The following LRFN2 variants were observed in gnomAD, a reference collection of about 807,000 sequenced individuals.
LRFN2 encodes leucine-rich repeat and fibronectin type-III domain-containing protein 2.
In LRFN2, 18 loss-of-function variants were observed where a neutral mutation model predicts 37.3. The observed-to-expected ratio is 0.48, with a 90% CI of 0.33 to 0.72. The LOEUF (loss-of-function observed/expected upper bound fraction) is 0.72, where lower values mean the gene tolerates loss of function less well. LRFN2 is among the 30% of genes least tolerant of loss of function. LRFN2 has a pLI of 0.02. For synonymous variants in LRFN2, 556 were observed against 466.6 expected, an observed-to-expected ratio of 1.19 and a Z score of -2.47; for missense variants, 1,006 against 1,060.7, an observed-to-expected ratio of 0.95 and a Z score of 0.72.
At chr6:40,501,956 C>T (rs1765393452) in intron 1 of LRFN2, among the ~76,000 whole-genome samples, 2 of 152,182 alleles carry the variant, frequency 1.3e-5, no homozygotes, top group Non-Finnish European at 2.9e-5. Flanking sequence ...GAAGCATGTC[C>T]TGACTCCACA....
At chr6:40,525,285 C>T (rs1454131584) in intron 1 of LRFN2, among the ~76,000 whole-genome samples, 1 of 152,166 alleles carries the variant, frequency 6.6e-6, no homozygotes, top group Non-Finnish European at 1.5e-5. Flanking sequence ...GGCGGCCCTG[C>T]TGCAGGCTGG....
At position 40,392,966 on chromosome 6, in the gene LRFN2, G is replaced by A; in HGVS notation, c.1401-54C>T. 6.7e-7 allele frequency: 1 copy of A among 1,493,712 alleles called. No individual in the cohort carries two copies. The allele number at this position is 1,493,712 out of a possible 1,614,324, so 92.5% of individuals were successfully genotyped here. A position where few individuals can be genotyped will look rare whatever the true frequency, so the allele number is the denominator to read the frequency against. On this transcript the variant is annotated intron_variant, in intron 2 of 2. Coordinates refer to ENST00000338305, the MANE Select transcript of LRFN2 (RefSeq NM_020737.3). The surrounding 1 kb of genome is among the most constrained non-coding windows in gnomAD (Gnocchi z 4.7). ...AGGGGTGGTGGGGTGGAAGGACAGG[G>A]TGATGGGGAGTGGACAGAGGTAGAA...
intron 1 of LRFN2, among the ~76,000 whole-genome samples, chr6:40,574,162 T>A (rs1767234882): frequency 1.3e-5 from 2 of 152,230 alleles, no homozygotes; most frequent in Non-Finnish European, 1.5e-5. Context: ...AGAGAATGCA[T>A]ATAAATATGG....
At chr6:40,518,068 T>A (rs1355483707) in intron 1 of LRFN2, among the ~76,000 whole-genome samples, 1 of 152,108 alleles carries the variant, frequency 6.6e-6, no homozygotes, top group Admixed American at 6.5e-5. Flanking sequence ...TGGATGCTAG[T>A]CCCAGTCTGG....
At chr6:40,449,090 C>T (rs1040370562) in intron 1 of LRFN2, among the ~76,000 whole-genome samples, 1 of 152,162 alleles carries the variant, frequency 6.6e-6, no homozygotes, top group African/African-American at 2.4e-5. Flanking sequence ...TAGTAAGAAT[C>T]CCCAATTGCA....
intron 2 of LRFN2, among the ~76,000 whole-genome samples, chr6:40,411,317 G>A (rs1762960487): frequency 6.6e-6 from 1 of 152,212 alleles, no homozygotes; most frequent in Admixed American, 6.5e-5. Flanking sequence ...GGGCACGGTA[G>A]GAGTAGGGGG....
At chr6:40,434,649 T>C (rs1326292213) in intron 1 of LRFN2, among the ~76,000 whole-genome samples, 2 of 152,004 alleles carry the variant, frequency 1.3e-5, no homozygotes, top group Non-Finnish European at 2.9e-5. Context: ...GCTAACTTTT[T>C]GTATTTTTAG....
At chr6:40,480,703 G>A (rs961354948) in intron 1 of LRFN2, among the ~76,000 whole-genome samples, 1 of 151,944 alleles carries the variant, frequency 6.6e-6, no homozygotes, top group Non-Finnish European at 1.5e-5. Context: ...TATTTCTCTG[G>A]GCCCCACATG....
Position 40,456,428 on chromosome 6 carries a change from C to T in LRFN2, c.-18-23297G>A, listed in dbSNP as rs149924250. 9.6e-3 allele frequency among the ~76,000 whole-genome samples: 1,457 copies of T among 152,276 alleles called. 12 individuals carry two copies. The highest frequency in any genetic ancestry group is 0.031 in the South Asian group (149 of 4,824). On this transcript the variant is annotated intron_variant, in intron 1 of 2. Transcript: ENST00000338305. ...TGAGAGAAACTAGACCCAGGTATGT[C>T]GATGACATGTGTTTCCTAAGCCTGA...
intron 1 of LRFN2, among the ~76,000 whole-genome samples, chr6:40,545,231 C>T (rs1766635712): frequency 6.6e-6 from 1 of 152,172 alleles, no homozygotes. Flanking sequence ...GGAGCTTAGG[C>T]CTCTAATGCT....
chr6:40,456,198 C>T (rs563458493), intron 1 of LRFN2, among the ~76,000 whole-genome samples: 8 of 152,328 alleles, frequency 5.3e-5, no homozygotes, highest in Non-Finnish European at 1.0e-4. Context: ...AGACCCTGAG[C>T]AAAGAAGTCA....
At chr6:40,582,986 G>C (rs1272655331) in intron 1 of LRFN2, among the ~76,000 whole-genome samples, 1 of 152,082 alleles carries the variant, frequency 6.6e-6, no homozygotes, top group Non-Finnish European at 1.5e-5. Flanking sequence ...GAGTGGATCT[G>C]TCTCCCTCAC....
At chr6:40,526,980 G>T (rs552265148) in intron 1 of LRFN2, among the ~76,000 whole-genome samples, 1 of 152,162 alleles carries the variant, frequency 6.6e-6, no homozygotes, top group Admixed American at 6.5e-5. Context: ...AGGACTAAAA[G>T]GTTGCACTGA....
At chr6:40,509,449 C>A (rs1036288) in intron 1 of LRFN2, among the ~76,000 whole-genome samples, 49,738 of 152,194 alleles carry the variant, frequency 0.33, 9,322 homozygotes, top group East Asian at 0.5. Flanking sequence ...AGCATTGAAA[C>A]ATAATGAAAG....
chr6:40,566,673 G>A (rs1046913595), intron 1 of LRFN2, among the ~76,000 whole-genome samples: 1 of 150,828 alleles, frequency 6.6e-6, no homozygotes, highest in Non-Finnish European at 1.5e-5. Flanking sequence ...TCATAGGTGG[G>A]AATTGAACAA....
intron 2 of LRFN2, among the ~76,000 whole-genome samples, chr6:40,401,665 G>C (rs1282389194): frequency 6.6e-6 from 1 of 152,172 alleles, no homozygotes; most frequent in Non-Finnish European, 1.5e-5. Flanking sequence ...GTGAGTGAGA[G>C]ACAGGGTGAA....
chr6:40,507,098 G>A (rs1223184762), intron 1 of LRFN2, among the ~76,000 whole-genome samples: 2 of 152,178 alleles, frequency 1.3e-5, no homozygotes, highest in African/African-American at 4.8e-5. Context: ...CGTGGATGAC[G>A]TCCTCCGCCC....
intron 1 of LRFN2, among the ~76,000 whole-genome samples, chr6:40,529,853 G>A (rs1473410093): frequency 6.6e-6 from 1 of 152,184 alleles, no homozygotes; most frequent in Admixed American, 6.5e-5. Flanking sequence ...CCTAGTGCCT[G>A]GCACACTGTA....
At chr6:40,423,106 G>A (rs1210854719) in intron 2 of LRFN2, among the ~76,000 whole-genome samples, 1 of 152,180 alleles carries the variant, frequency 6.6e-6, no homozygotes, top group Non-Finnish European at 1.5e-5. Flanking sequence ...GATGCTCTTA[G>A]AAGGTGCCCT....
Sources: gnomAD v4.1 joint callset for allele counts (sites outside exome capture counted in the v4.1 genomes callset) on GRCh38, gnomAD v4.1.1 for gene constraint, Gnocchi (gnomAD v3.1) non-coding constraint, MANE v1.5 for transcripts, NCBI Gene and HGNC (gene_info 2026-07-23, HGNC 2026-07-21) for gene names.